The following ANXA8 variants were observed in gnomAD, a reference collection of about 807,000 sequenced individuals.
ANXA8 encodes the protein VAC-beta.
Under a neutral mutation model 26.8 loss-of-function variants are expected in ANXA8, and 9 were observed. The ratio of observed to expected loss-of-function variants is 0.34; its 90% confidence interval spans 0.20 to 0.59. The LOEUF is 0.59. Among genes scored for constraint, ANXA8 ranks in the 20% least tolerant of loss-of-function variants. ANXA8 has a pLI of 0.84. For synonymous variants in ANXA8, 39 were observed against 94.8 expected (o/e 0.41, Z 3.42); for missense variants, 83 against 238.5 (o/e 0.35, Z 4.29).
the ANXA8 span, among the ~76,000 whole-genome samples, chr10:47,957,416 A>G: frequency 6.7e-6 from 1 of 150,160 alleles, no homozygotes; most frequent in African/African-American, 2.5e-5. Context: ...CTGGGCTGGG[A>G]CCTCCTGCTG....
chr10:47,684,461 C>G, the ANXA8 span, among the ~76,000 whole-genome samples: 3 of 151,800 alleles, frequency 2.0e-5, no homozygotes, highest in African/African-American at 4.8e-5. Context: ...CAGTTCTACA[C>G]TTACAAGGGT....
the ANXA8 span, among the ~76,000 whole-genome samples, chr10:47,749,611 G>A: frequency 1.3e-3 from 196 of 150,604 alleles, no homozygotes; most frequent in Non-Finnish European, 1.2e-3. Context: ...TACAGAAGTT[G>A]TAATCTGTGG....
the ANXA8 span, chr10:47,565,341 C>A: frequency 1.9e-6 from 1 of 515,528 alleles, no homozygotes; most frequent in South Asian, 2.4e-5. Context: ...CCCCCGGCGC[C>A]CCCCACGGCC....
At chr10:47,699,258 G>T in the ANXA8 span, among the ~76,000 whole-genome samples, 1 of 137,906 alleles carries the variant, frequency 7.3e-6, no homozygotes, top group African/African-American at 2.7e-5. Context: ...TGAGGCATGA[G>T]AATTGCCTGA....
chr10:47,742,921 G>A, the ANXA8 span, among the ~76,000 whole-genome samples: 1 of 142,944 alleles, frequency 7.0e-6, no homozygotes, highest in East Asian at 2.3e-4. Context: ...TTGGGAGGCT[G>A]AGGCGGGCAG....
At chr10:47,592,787 A>AT in the ANXA8 span, among the ~76,000 whole-genome samples, 4 of 148,758 alleles carry the variant, frequency 2.7e-5, no homozygotes, top group Non-Finnish European at 5.9e-5. Context: ...AGGGTGTGGT[A>AT]TGGGTTCTCA....
chr10:47,537,619 TA>T, the ANXA8 span, among the ~76,000 whole-genome samples: 287 of 138,608 alleles, frequency 2.1e-3, 7 homozygotes, highest in African/African-American at 7.2e-3. Context: ...TTACATAATT[TA>T]AAAAAAACTT....
chr10:47,950,314 G>A, the ANXA8 span, among the ~76,000 whole-genome samples: 1 of 152,130 alleles, frequency 6.6e-6, no homozygotes, highest in East Asian at 1.9e-4. Context: ...TGTCATACTT[G>A]TTTCTCAGTA....
At chr10:47,553,476 A>T in the ANXA8 span, 1 of 160,822 alleles carries the variant, frequency 6.2e-6, no homozygotes, top group African/African-American at 2.4e-5. Flanking sequence ...CGCGGCACCA[A>T]ACCTGTTCAC....
At chr10:47,585,164 G>A in the ANXA8 span, among the ~76,000 whole-genome samples, 14 of 134,636 alleles carry the variant, frequency 1.0e-4, no homozygotes, top group South Asian at 3.5e-3. Flanking sequence ...TCAGGAGCCT[G>A]AGGCAGGGAC....
the ANXA8 span, among the ~76,000 whole-genome samples, chr10:47,650,699 C>T: frequency 1.5e-4 from 22 of 144,014 alleles, no homozygotes; most frequent in South Asian, 2.8e-3. Flanking sequence ...CCCAGCTACT[C>T]GGGAGGCTGA....
chr10:47,499,012 G>A, the ANXA8 span, among the ~76,000 whole-genome samples: 35 of 141,218 alleles, frequency 2.5e-4, no homozygotes, highest in Admixed American at 6.3e-4. Flanking sequence ...TGAGGCAGGA[G>A]AATCGCTTGA....
the ANXA8 span, chr10:47,985,872 A>G: frequency 6.8e-6 from 1 of 148,074 alleles, no homozygotes; most frequent in East Asian, 2.0e-4. Flanking sequence ...TCTTTCATTC[A>G]GGAACACGAT....
At chr10:47,581,045 A>C in the ANXA8 span, among the ~76,000 whole-genome samples, 1 of 150,370 alleles carries the variant, frequency 6.7e-6, no homozygotes, top group African/African-American at 2.5e-5. Context: ...CGCTGCACTC[A>C]ACCTTGAGCA....
chr10:47,958,148 C>T, the ANXA8 span, among the ~76,000 whole-genome samples: 7 of 150,304 alleles, frequency 4.7e-5, no homozygotes, highest in South Asian at 4.2e-4. Context: ...TCCCTCCATT[C>T]GCCTGCATGG....
chr10:47,983,032 A>G, the ANXA8 span, among the ~76,000 whole-genome samples: 3 of 108,090 alleles, frequency 2.8e-5, 1 homozygote. Flanking sequence ...GAACCGCAAT[A>G]AGATACAACT....
At chr10:47,622,000 T>G in the ANXA8 span, among the ~76,000 whole-genome samples, 2 of 109,546 alleles carry the variant, frequency 1.8e-5, no homozygotes, top group South Asian at 6.0e-4. Context: ...ACCTGGTAGT[T>G]CTGTCCCTCA....
chr10:47,491,797 C>T, the ANXA8 span: 2 of 1,212,628 alleles, frequency 1.6e-6, no homozygotes, highest in Non-Finnish European at 2.4e-6. Context: ...CAGTAGGAGG[C>T]TGGACAGGTG....
the ANXA8 span, among the ~76,000 whole-genome samples, chr10:47,698,210 A>G: frequency 5.4e-5 from 8 of 147,292 alleles, no homozygotes; most frequent in African/African-American, 2.0e-4. Context: ...AGTTTTAGAT[A>G]TCTTTGAGAT....
Sources: allele counts gnomAD v4.1 joint callset (sites outside exome capture counted in the v4.1 genomes callset), GRCh38; gene constraint gnomAD v4.1.1; transcripts MANE v1.5; gene names NCBI Gene and HGNC (gene_info 2026-07-23, HGNC 2026-07-21).